Variants in B4GALNT3 observed in about 807,000 individuals in gnomAD.
B4GALNT3 encodes beta-1,4-N-acetyl-galactosaminyltransferase 3, also known as beta-1,4-N-acetylgalactosaminyltransferase 3.
B4GALNT3 carries 86 observed loss-of-function variants against 120.2 expected under a neutral mutation model. The ratio of observed to expected loss-of-function variants is 0.72; its 90% CI spans 0.60 to 0.86. The LOEUF is 0.86. Ranked by LOEUF, B4GALNT3 falls within the 40% of genes least tolerant of loss-of-function variation. The pLI is 0.00. For missense variants in B4GALNT3, 1,167 were observed against 1,298.9 expected, an observed-to-expected ratio of 0.90 and a Z score of 1.56; for synonymous variants, 518 against 510.4, an observed-to-expected ratio of 1.01 and a Z score of -0.20.
chr12:530,979 G>A (rs1196236242), intron 1 of B4GALNT3, among the ~76,000 whole-genome samples: 2 of 152,180 alleles, frequency 1.3e-5, no homozygotes, highest in African/African-American at 4.8e-5. Flanking sequence ...TGTTGTAGCA[G>A]AAACAGGCCC....
intron 14 of B4GALNT3, among the ~76,000 whole-genome samples, 175 bp downstream of exon 14, chr12:554,158 G>A (rs1947118065): frequency 6.6e-6 from 1 of 152,246 alleles, no homozygotes; most frequent in Admixed American, 6.5e-5. Context: ...TGTCCCTGGA[G>A]AGGATCTTGA....
rs201331783 is a variant in B4GALNT3 at position 550,878 on chromosome 12, C to A, written c.998-44C>A. 1 of 1,484,878 alleles carries A rather than the reference C, an allele frequency of 6.7e-7. No homozygotes were observed. Among genetic ancestry groups the A allele is most frequent in the East Asian group, 2.3e-5 (1 of 44,140 alleles). 92.0% of individuals were successfully genotyped at this position (1,484,878 alleles called of 1,614,324 possible). On this transcript the variant is annotated intron_variant, in intron 10 of 19. Coordinates refer to ENST00000266383, the MANE Select transcript of B4GALNT3 (RefSeq NM_173593.4). This position sits in a 1 kb window ranked among gnomAD's most constrained non-coding sequence, Gnocchi z 4.1. ...GGGCAGAGGACTTCAGCCCCAGTTT[C>A]GTGCTCACCCTCACCCTCACTCCTC...
intron 1 of B4GALNT3, among the ~76,000 whole-genome samples, chr12:471,461 C>G (rs1358608177): frequency 6.6e-6 from 1 of 151,766 alleles, no homozygotes; most frequent in Non-Finnish European, 1.5e-5. Flanking sequence ...AATCCTGGCA[C>G]TTTGGGAGGC....
chr12:514,755 G>A (rs113471662), intron 1 of B4GALNT3, among the ~76,000 whole-genome samples: 4,275 of 152,150 alleles, frequency 0.028, 215 homozygotes, highest in African/African-American at 0.097. Context: ...TGGGCTGGGC[G>A]TGGTGGCTTA....
At chr12:554,606 CG>C (rs764204837) in intron 14 of B4GALNT3, among the ~76,000 whole-genome samples, 213 of 20,148 alleles carry the variant, frequency 0.011, no homozygotes, top group African/African-American at 0.054. Flanking sequence ...CTGGCTAACA[CG>C]GTGAAACCCC....
chr12:464,213 G>GA (rs1946054270), intron 1 of B4GALNT3, among the ~76,000 whole-genome samples: 1 of 152,218 alleles, frequency 6.6e-6, no homozygotes, highest in African/African-American at 2.4e-5. Flanking sequence ...TGTACTGGCT[G>GA]AAAAGCAGCC....
intron 1 of B4GALNT3, among the ~76,000 whole-genome samples, 153 bp from the exon 2 acceptor site, chr12:535,013 A>G (rs189234610): frequency 3.8e-4 from 58 of 152,278 alleles, no homozygotes; most frequent in Admixed American, 2.5e-3. Flanking sequence ...GTCTGCAGCT[A>G]TCTCCTGCCC....
chr12:472,245 G>T (rs1278860147), intron 1 of B4GALNT3, among the ~76,000 whole-genome samples: 2 of 152,076 alleles, frequency 1.3e-5, no homozygotes, highest in Admixed American at 6.5e-5. Flanking sequence ...GTTTGGACTT[G>T]GTAGGGAGCA....
At chr12:552,579 G>C (rs761543415) in intron 13 of B4GALNT3, 51 bp downstream of exon 13, 2 of 1,571,270 alleles carry the variant, frequency 1.3e-6, no homozygotes, top group Non-Finnish European at 1.7e-6. Context: ...GGGCGACCAT[G>C]GTCTGTTTCC....
chr12:468,332 C>A (rs1167373133), intron 1 of B4GALNT3, among the ~76,000 whole-genome samples: 1 of 151,924 alleles, frequency 6.6e-6, no homozygotes, highest in Non-Finnish European at 1.5e-5. Context: ...CTTAAAAAGC[C>A]AAAAAAGTAT....
intron 1 of B4GALNT3, among the ~76,000 whole-genome samples, chr12:527,384 T>TA (rs1387141593): frequency 6.6e-6 from 1 of 152,182 alleles, no homozygotes; most frequent in East Asian, 1.9e-4. Flanking sequence ...GGGCAGTAGG[T>TA]ACAGTCCCTT....
At chr12:466,734 T>C (rs1363809455) in intron 1 of B4GALNT3, among the ~76,000 whole-genome samples, 2 of 152,246 alleles carry the variant, frequency 1.3e-5, no homozygotes, top group African/African-American at 4.8e-5. Flanking sequence ...AAAATGAATA[T>C]TCTTTGTATT....
At chr12:554,140 G>C (rs929613388) in intron 14 of B4GALNT3, among the ~76,000 whole-genome samples, 157 bp downstream of exon 14, 1 of 152,216 alleles carries the variant, frequency 6.6e-6, no homozygotes, top group African/African-American at 2.4e-5. Flanking sequence ...ACAAGTGCCC[G>C]GGGCCCCTGT....
chr12:528,976 C>T (rs552707496), intron 1 of B4GALNT3, among the ~76,000 whole-genome samples: 16 of 152,262 alleles, frequency 1.1e-4, no homozygotes, highest in African/African-American at 3.4e-4. Flanking sequence ...CTACAGACCC[C>T]GGGGCTTCTT....
chr12:549,959 T>C (rs1405718902), intron 10 of B4GALNT3, 47 bp downstream of exon 10: 1 of 1,553,038 alleles, frequency 6.4e-7, no homozygotes, highest in Middle Eastern at 2.1e-4. Context: ...GACACTGCAC[T>C]GCCAGGTCCA....
intron 3 of B4GALNT3, among the ~76,000 whole-genome samples, chr12:539,470 G>GC (rs1946893547): frequency 6.6e-6 from 1 of 151,690 alleles, no homozygotes; most frequent in Admixed American, 6.6e-5. Context: ...CTTTGAGAAG[G>GC]CAGTGTCTCT....
rs532519908 is a variant in B4GALNT3, at chr12:459,941, G to A, written c.-436G>A. ...GGGGGCGGGGCCGGGGGCGGGCCAG[G>A]TTCCGCGAGCAGGAGAGCCCAGAGC... On this transcript the variant is annotated 5_prime_UTR_variant, in exon 1 of 20. Coordinates refer to ENST00000266383, the MANE Select transcript of B4GALNT3 (RefSeq NM_173593.4). Among the ~76,000 whole-genome samples, 10 of 151,190 alleles carry A rather than the reference G, an allele frequency of 6.6e-5. No individual in the cohort carries two copies. Among genetic ancestry groups the A allele is most frequent in the African/African-American group, 2.4e-4 (10 of 41,302 alleles).
At chr12:514,320 C>T (rs1946629075) in intron 1 of B4GALNT3, among the ~76,000 whole-genome samples, 1 of 151,910 alleles carries the variant, frequency 6.6e-6, no homozygotes, top group Non-Finnish European at 1.5e-5. Flanking sequence ...GCCTCAGCCT[C>T]CCAAGTAGCT....
At chr12:510,504 GCC>G (rs1243085465) in intron 1 of B4GALNT3, among the ~76,000 whole-genome samples, 1 of 118,776 alleles carries the variant, frequency 8.4e-6, no homozygotes, top group Non-Finnish European at 2.0e-5. Context: ...AGGGAAACGG[GCC>G]CTTTCAAGAG....
Sources: gnomAD v4.1 joint callset for allele counts (sites outside exome capture counted in the v4.1 genomes callset) on GRCh38, gnomAD v4.1.1 for gene constraint, Gnocchi (gnomAD v3.1) non-coding constraint, MANE v1.5 for transcripts, NCBI Gene and HGNC (gene_info 2026-07-23, HGNC 2026-07-21) for gene names.